B3GLCT: variants seen among roughly 807,000 people sequenced by gnomAD.
B3GLCT encodes beta 3-glucosyltransferase, also known as beta-1,3-glucosyltransferase.
B3GLCT carries 65 observed loss-of-function variants against 63.4 expected under a neutral mutation model. The observed-to-expected ratio is 1.03, with a 90% CI of 0.84 to 1.26. The LOEUF is 1.26. Among genes scored for constraint, B3GLCT ranks in the 50% most tolerant of loss-of-function variants. The pLI is 0.00. For synonymous variants in B3GLCT, 233 were observed against 219.2 expected (o/e 1.06, Z -0.55); for missense variants, 577 against 604.8 (o/e 0.95, Z 0.48).
rs140883036 is a variant in B3GLCT at position 31,246,306 on chromosome 13, A to G, written c.271-717A>G. Among the ~76,000 whole-genome samples, 1,289 of 152,302 alleles carry G rather than the reference A, an allele frequency of 8.5e-3. 12 individuals are homozygous for G. The highest frequency in any genetic ancestry group is 0.028 in the African/African-American group (1,180 of 41,576). ...ATATAGGGAATAGTGTTTTGCTTCA[A>G]AGCTAACACTCGTAGCCTTAAAAAT... On this transcript the variant is annotated intron_variant, in intron 4 of 14. Coordinates refer to ENST00000343307, the MANE Select transcript of B3GLCT (RefSeq NM_194318.4).
chr13:31,280,849 ACAT>A (rs1468813385), intron 10 of B3GLCT, among the ~76,000 whole-genome samples: 1 of 152,238 alleles, frequency 6.6e-6, no homozygotes, highest in East Asian at 1.9e-4. Flanking sequence ...ATACATATTG[ACAT>A]CATTGAAACA....
chr13:31,231,847 T>C (rs1372886937), intron 4 of B3GLCT, among the ~76,000 whole-genome samples: 1 of 152,208 alleles, frequency 6.6e-6, no homozygotes, highest in African/African-American at 2.4e-5. Flanking sequence ...TGAGAGGCCC[T>C]GGGGCTCCGC....
intron 4 of B3GLCT, among the ~76,000 whole-genome samples, chr13:31,233,064 C>T (rs1486297637): frequency 6.6e-6 from 1 of 152,174 alleles, no homozygotes; most frequent in Non-Finnish European, 1.5e-5. Flanking sequence ...TTGATCCTTC[C>T]ATAGCACCTT....
At chr13:31,214,379 A>G (rs1869446274) in intron 1 of B3GLCT, among the ~76,000 whole-genome samples, 1 of 152,154 alleles carries the variant, frequency 6.6e-6, no homozygotes, top group Admixed American at 6.5e-5. Context: ...TGTTGTTGTT[A>G]TTATTTTTAA....
intron 1 of B3GLCT, among the ~76,000 whole-genome samples, chr13:31,212,267 C>CCT (rs1220733878): frequency 2.2e-5 from 2 of 91,638 alleles, no homozygotes; most frequent in African/African-American, 9.4e-5. Flanking sequence ...GCATAACTGG[C>CCT]TTTTTTTTTT....
chr13:31,241,490 A>G (rs1870941295), intron 4 of B3GLCT, among the ~76,000 whole-genome samples: 1 of 152,204 alleles, frequency 6.6e-6, no homozygotes, highest in East Asian at 1.9e-4. Context: ...TCCAGGGTGT[A>G]GGTCACTGTA....
Position 31,284,731 on chromosome 13 carries a change from G to A in B3GLCT, c.934G>A (p.Val312Met), listed in dbSNP as rs1291223583. The stretch of plus-strand genomic sequence containing the variant: ...CTATACTGAAAATTCCATTCCTACT[G>A]TGGATTTGGGAATTCCTAATACAGA... ...SDYTENSIPT[V>M]DLGIPNTDRG... Residue 312 changes from valine (V) to methionine (M), a missense_variant, in exon 11 of 15, where the codon GTG becomes ATG. Physicochemically the swap from Val to Met is conservative, Grantham distance 21 (BLOSUM62 1). Coordinates refer to ENST00000343307, the MANE Select transcript of B3GLCT (RefSeq NM_194318.4). 1.9e-6 allele frequency: 3 copies of A among 1,598,848 alleles called. No individual in the cohort carries two copies. Among genetic ancestry groups the A allele is most frequent in the East Asian group, 2.2e-5 (1 of 44,796 alleles).
chr13:31,312,601 A>G (rs1236999364), intron 12 of B3GLCT: 3 of 152,226 alleles, frequency 2.0e-5, no homozygotes, highest in African/African-American at 4.8e-5. Context: ...TTAAAAGAAA[A>G]TCTATCTTTG....
At chr13:31,246,951 C>CTTTTTTTTTTTTTTTTTTTTTCTT in intron 4 of B3GLCT, 72 bp from the exon 5 acceptor site, 1 of 778,770 alleles carries the variant, frequency 1.3e-6, no homozygotes, top group Non-Finnish European at 2.0e-6. Context: ...CTTTTCTTTT[C>CTTTTTTTTTTTTTTTTTTTTTCTT]TTTTTTTTTT....
intron 13 of B3GLCT, among the ~76,000 whole-genome samples, chr13:31,321,402 A>G (rs1031712930): frequency 3.3e-5 from 5 of 152,232 alleles, no homozygotes; most frequent in African/African-American, 9.6e-5. Context: ...TGTAAAACCA[A>G]TTCATGGACC....
intron 1 of B3GLCT, among the ~76,000 whole-genome samples, chr13:31,206,792 GT>G (rs979182191): frequency 6.6e-6 from 1 of 152,214 alleles, no homozygotes; most frequent in African/African-American, 2.4e-5. Context: ...AAAGTAAGGA[GT>G]TGTTCTGGAG....
chr13:31,280,385 C>T (rs1395943499), intron 10 of B3GLCT, among the ~76,000 whole-genome samples: 1 of 152,220 alleles, frequency 6.6e-6, no homozygotes. Context: ...CTTCCCGCAA[C>T]ACTCTGTGGT....
At chr13:31,298,528 G>T (rs1022353124) in intron 12 of B3GLCT, among the ~76,000 whole-genome samples, 1 of 152,204 alleles carries the variant, frequency 6.6e-6, no homozygotes, top group African/African-American at 2.4e-5. Flanking sequence ...AATGTCATCT[G>T]TTTCTCTAAG....
At chr13:31,213,988 T>C (rs532670850) in intron 1 of B3GLCT, among the ~76,000 whole-genome samples, 1 of 152,206 alleles carries the variant, frequency 6.6e-6, no homozygotes, top group Non-Finnish European at 1.5e-5. Context: ...TTTCTTTCTT[T>C]TGAGCAAATG....
At chr13:31,309,473 A>C (rs1489763708) in intron 12 of B3GLCT, among the ~76,000 whole-genome samples, 1 of 152,226 alleles carries the variant, frequency 6.6e-6, no homozygotes, top group Non-Finnish European at 1.5e-5. Flanking sequence ...CACCAGTCAT[A>C]AGTCCAGACC....
Position 31,211,923 on chromosome 13 carries a change from G to A in B3GLCT, c.71-3128G>A, listed in dbSNP as rs11839701. On this transcript the variant is annotated intron_variant, in intron 1 of 14. Transcript: ENST00000343307. ...GGACTTTTGTGTTCACATGCACTTTGTTGTCATATAGCTGTCTGGCCTCGC... is the reference window on the plus strand; with the variant it reads ...GGACTTTTGTGTTCACATGCACTTTATTGTCATATAGCTGTCTGGCCTCGC... 5.4e-3 allele frequency among the ~76,000 whole-genome samples: 818 copies of A among 152,246 alleles called. 6 individuals are homozygous for A. Among genetic ancestry groups the A allele is most frequent in the African/African-American group, 0.019 (788 of 41,546 alleles).
rs147009376 is a variant in B3GLCT at position 31,216,344 on chromosome 13, G to A, written c.120+1244G>A. 2.0e-4 allele frequency among the ~76,000 whole-genome samples: 30 copies of A among 152,248 alleles called. No homozygotes were observed. In the East Asian group the frequency reaches 4.4e-3, roughly 23 times the overall value. ...CCATTTACAACAGAGAAAACTTAGC[G>A]TCAGGGAAGTTATGTGATTTGACCA... is the stretch of plus-strand genomic sequence containing the variant. On this transcript the variant is annotated intron_variant, in intron 2 of 14. Coordinates refer to ENST00000343307, the MANE Select transcript of B3GLCT (RefSeq NM_194318.4).
chr13:31,329,988 C>T lies in B3GLCT; in HGVS notation c.*320C>T. On this transcript the variant is annotated 3_prime_UTR_variant, in exon 15 of 15. Transcript: ENST00000343307. The stretch of plus-strand genomic sequence containing the variant: ...AGGGAAATAAATGGTACCAGAAGTC[C>T]CTTTCCTGTTCTGTCTCTTCATTGT... 1 of 359,354 alleles carries T rather than the reference C, an allele frequency of 2.8e-6. No individual in the cohort carries two copies. Among genetic ancestry groups the T allele is most frequent in the South Asian group, 2.5e-5 (1 of 39,982 alleles). 22.3% of individuals were successfully genotyped at this position (359,354 alleles called of 1,614,324 possible). A position where few individuals can be genotyped will look rare whatever the true frequency, so the allele number is the denominator to read the frequency against.
At chr13:31,203,486 CT>C (rs1868786338) in intron 1 of B3GLCT, among the ~76,000 whole-genome samples, 1 of 152,172 alleles carries the variant, frequency 6.6e-6, no homozygotes, top group Non-Finnish European at 1.5e-5. Context: ...CCTTTGGTAA[CT>C]TCCTGCGGGA....
Sources: allele counts gnomAD v4.1 joint callset (sites outside exome capture counted in the v4.1 genomes callset), GRCh38; gene constraint gnomAD v4.1.1; transcripts MANE v1.5; gene names NCBI Gene and HGNC (gene_info 2026-07-23, HGNC 2026-07-21).